The following LRCH1 variants were observed in gnomAD, a reference collection of about 807,000 sequenced individuals.
The protein encoded by LRCH1 is leucine-rich repeat and calponin homology domain-containing protein 1.
LRCH1 carries 23 observed loss-of-function variants against 94.9 expected under a neutral mutation model. The observed-to-expected ratio is 0.24, with a 90% CI of 0.17 to 0.34. The LOEUF (loss-of-function observed/expected upper bound fraction) is 0.34. Among genes scored for constraint, LRCH1 ranks in the 10% least tolerant of loss-of-function variants. The probability of loss-of-function intolerance (pLI) is 1.00; values close to 1 mark genes in which losing one functional copy is unlikely to be tolerated. For synonymous variants in LRCH1, 364 were observed against 354.9 expected (o/e 1.03, Z -0.29); for missense variants, 790 against 945.9 (o/e 0.84, Z 2.16).
At chr13:46,624,513 T>C (rs191651593) in intron 1 of LRCH1, among the ~76,000 whole-genome samples, 17 of 152,328 alleles carry the variant, frequency 1.1e-4, no homozygotes, top group African/African-American at 4.1e-4. Flanking sequence ...CATTTTTCGT[T>C]GGTGAGAGAA....
intron 15 of LRCH1, among the ~76,000 whole-genome samples, chr13:46,715,068 T>A (rs993934087): frequency 6.6e-6 from 1 of 152,220 alleles, no homozygotes; most frequent in Non-Finnish European, 1.5e-5. Context: ...TAATGGTAAA[T>A]GATGATTCTA....
At chr13:46,720,975 C>G (rs947914827) in intron 16 of LRCH1, among the ~76,000 whole-genome samples, 2 of 152,138 alleles carry the variant, frequency 1.3e-5, no homozygotes, top group African/African-American at 4.8e-5. Context: ...TTAAAAAATA[C>G]AGTTCAATTG....
chr13:46,648,913 C>T lies in LRCH1; in HGVS notation c.308-1288C>T, dbSNP rs11616951. Among the ~76,000 whole-genome samples, 570 of 152,190 alleles carry T rather than the reference C, an allele frequency of 3.7e-3. 1 individual carries two copies. Among genetic ancestry groups the T allele is most frequent in the Non-Finnish European group, 6.1e-3 (417 of 68,010 alleles). On this transcript the variant is annotated intron_variant, in intron 1 of 19. Coordinates refer to ENST00000389797, the MANE Select transcript of LRCH1 (RefSeq NM_001164211.2). ...CATATCCTTGAAGATGATCATATAT[C>T]ATTTCACTTTGGTCTATTTATAAGG...
Position 46,685,767 on chromosome 13 carries a change from A to C in LRCH1, c.686-138A>C, listed in dbSNP as rs1326863038. 10 of 591,368 alleles carry C rather than the reference A, an allele frequency of 1.7e-5. No homozygotes were observed. The East Asian group carries it at 3.0e-4, about 18-fold the overall frequency. 36.6% of individuals were successfully genotyped at this position (591,368 alleles called of 1,614,324 possible). On this transcript the variant is annotated intron_variant, in intron 4 of 19. Coordinates refer to ENST00000389797, the MANE Select transcript of LRCH1 (RefSeq NM_001164211.2). ...TTATGTACACACACCATGTATTCCT[A>C]ATGTACAACTTGCCTTTGATTATAC...
Position 46,744,398 on chromosome 13 carries a change from A to G in LRCH1, c.*2550A>G. On this transcript the variant is annotated 3_prime_UTR_variant, in exon 20 of 20. Coordinates refer to ENST00000389797, the MANE Select transcript of LRCH1 (RefSeq NM_001164211.2). ...GTATTCTCTTTCTCCAGTTTCTCCA[A>G]CTGGTGGCAACTCTCCACTCAGTGT... The G allele has an allele frequency of 3.0e-6, 3 of 985,326 alleles. No homozygotes were observed. The highest frequency in any genetic ancestry group is 3.6e-6 in the Non-Finnish European group (3 of 829,926). 61.0% of individuals were successfully genotyped at this position (985,326 alleles called of 1,614,324 possible).
intron 2 of LRCH1, among the ~76,000 whole-genome samples, chr13:46,660,419 T>G (rs1306157637): frequency 6.6e-6 from 1 of 151,238 alleles, no homozygotes; most frequent in East Asian, 1.9e-4. Flanking sequence ...AAAAAAAAAA[T>G]GTATATATAT....
At position 46,553,669 on chromosome 13, in the gene LRCH1, C is replaced by G. The variant is rs770948540; in HGVS notation, c.273C>G (p.Ala91=). 1 of 1,609,968 alleles carries G rather than the reference C, an allele frequency of 6.2e-7. No homozygotes were observed. Among genetic ancestry groups the G allele is most frequent in the South Asian group, 1.1e-5 (1 of 90,550 alleles). The change falls in exon 1 of 20, where the codon GCC becomes GCG. Residue 91 remains alanine, a synonymous_variant. Coordinates refer to ENST00000389797, the MANE Select transcript of LRCH1 (RefSeq NM_001164211.2). The part of the protein sequence containing the change: ...RKLKEFPRTA[A]PGHDLSDTVQ... ...TGAAGGAATTTCCCCGTACCGCAGC[C>G]CCCGGGCACGACCTCTCGGACACGG...
intron 1 of LRCH1, among the ~76,000 whole-genome samples, chr13:46,598,239 C>A (rs566763085): frequency 3.2e-4 from 48 of 152,268 alleles, no homozygotes; most frequent in African/African-American, 1.2e-3. Flanking sequence ...TGTACTCTTT[C>A]CTCTAGAAGT....
At chr13:46,578,830 G>T (rs887551138) in intron 1 of LRCH1, among the ~76,000 whole-genome samples, 4 of 152,114 alleles carry the variant, frequency 2.6e-5, no homozygotes, top group African/African-American at 9.7e-5. Flanking sequence ...TGTACAGGGT[G>T]TGTGGCCTTC....
intron 1 of LRCH1, among the ~76,000 whole-genome samples, chr13:46,558,654 A>G (rs2137895335): frequency 6.7e-6 from 1 of 150,130 alleles, no homozygotes; most frequent in African/African-American, 2.5e-5. Flanking sequence ...AATTGCTTGA[A>G]CCTGGGAGGT....
intron 1 of LRCH1, among the ~76,000 whole-genome samples, chr13:46,568,610 T>A (rs537549562): frequency 6.6e-6 from 1 of 152,332 alleles, no homozygotes; most frequent in African/African-American, 2.4e-5. Flanking sequence ...AGCATTAATT[T>A]AAAAATTACA....
At position 46,669,302 on chromosome 13, in the gene LRCH1, G is replaced by A. The variant is rs538554488; in HGVS notation, c.579+146G>A. ...GGTATATGATAAAGACATTAAGTGG[G>A]GAGAGGAACAGCTTTGAAACTTCAC... is the stretch of plus-strand genomic sequence containing the variant. On this transcript the variant is annotated intron_variant, in intron 3 of 19. Coordinates refer to ENST00000389797, the MANE Select transcript of LRCH1 (RefSeq NM_001164211.2). 6 of 769,126 alleles carry A rather than the reference G, an allele frequency of 7.8e-6. No homozygotes were observed. In the East Asian group the frequency reaches 8.3e-5, roughly 11 times the overall value. The allele number at this position is 769,126 out of a possible 1,614,324, so 47.6% of individuals were successfully genotyped here.
chr13:46,660,379 G>A (rs1224609466), intron 2 of LRCH1, among the ~76,000 whole-genome samples: 1 of 151,540 alleles, frequency 6.6e-6, no homozygotes, highest in Non-Finnish European at 1.5e-5. Flanking sequence ...TGCTGCCACA[G>A]CACTTTAAAA....
intron 1 of LRCH1, among the ~76,000 whole-genome samples, chr13:46,568,271 T>A (rs1026449036): frequency 6.6e-6 from 1 of 152,224 alleles, no homozygotes; most frequent in African/African-American, 2.4e-5. Flanking sequence ...TAACTCATCC[T>A]GGCCTAATGA....
chr13:46,748,127 T>C (rs1009181091), downstream of LRCH1, among the ~76,000 whole-genome samples: 1 of 152,234 alleles, frequency 6.6e-6, no homozygotes, highest in African/African-American at 2.4e-5. Context: ...AACACATGGA[T>C]GCTTTAAATA....
chr13:46,555,380 G>A (rs1359072449), intron 1 of LRCH1, among the ~76,000 whole-genome samples: 1 of 152,238 alleles, frequency 6.6e-6, no homozygotes, highest in African/African-American at 2.4e-5. Flanking sequence ...CAGTAAGGGG[G>A]CTTCATAGTT....
intron 2 of LRCH1, 83 bp downstream of exon 2, chr13:46,650,428 T>C: frequency 6.5e-6 from 8 of 1,235,442 alleles, no homozygotes; most frequent in Non-Finnish European, 6.6e-6. Flanking sequence ...TTTTTTCCCC[T>C]TTTTGCAATT....
At chr13:46,591,641 A>T (rs2050500391) in intron 1 of LRCH1, among the ~76,000 whole-genome samples, 1 of 152,200 alleles carries the variant, frequency 6.6e-6, no homozygotes, top group Admixed American at 6.5e-5. Flanking sequence ...ACCACATTAG[A>T]TTAGAGTTCT....
rs538876736 is a variant in LRCH1, at chr13:46,591,416, C to A, written c.307+37713C>A. Reference sequence around the variant, plus strand: ...TAACATTTTTATGACTTCAATGTGACTCCCTTATGAAAAGGCATAATGGAA... The same window carrying A: ...TAACATTTTTATGACTTCAATGTGAATCCCTTATGAAAAGGCATAATGGAA... On this transcript the variant is annotated intron_variant, in intron 1 of 19. Transcript: ENST00000389797. 3.9e-5 allele frequency among the ~76,000 whole-genome samples: 6 copies of A among 152,244 alleles called. No homozygotes were observed. In the South Asian group the frequency reaches 1.2e-3, roughly 32 times the overall value.
Sources: gnomAD v4.1 joint callset for allele counts (sites outside exome capture counted in the v4.1 genomes callset) on GRCh38, gnomAD v4.1.1 for gene constraint, MANE v1.5 for transcripts, NCBI Gene and HGNC (gene_info 2026-07-23, HGNC 2026-07-21) for gene names.